FRMD4A: variants seen among roughly 807,000 people sequenced by gnomAD.
FRMD4A encodes the protein FERM domain containing 4A, also known as FERM domain-containing protein 4A.
In FRMD4A, 29 loss-of-function variants were observed where a neutral mutation model predicts 129.1. The observed-to-expected ratio is 0.22, with a 90% CI of 0.17 to 0.31. FRMD4A has a LOEUF of 0.31. Ranked by LOEUF, FRMD4A falls within the 10% of genes least tolerant of loss-of-function variation. The probability of loss-of-function intolerance (pLI) is 1.00; values close to 1 mark genes in which losing one functional copy is unlikely to be tolerated. For synonymous variants in FRMD4A, 634 were observed against 571.6 expected (o/e 1.11, Z -1.56); for missense variants, 1,272 against 1,375.8 (o/e 0.92, Z 1.19).
rs7904993 is a variant in FRMD4A, at chr10:13,821,721, T to C, written c.112-10813A>G. Reference sequence around the variant, plus strand: ...TCGCCAAATTCACACAGCGAATCAGTGGGAGAACTGAACCGCGGCACACAG... The same window carrying C: ...TCGCCAAATTCACACAGCGAATCAGCGGGAGAACTGAACCGCGGCACACAG... On this transcript the variant is annotated intron_variant, in intron 3 of 24. Transcript: ENST00000357447. The surrounding 1 kb of genome is among the most constrained non-coding windows in gnomAD (Gnocchi z 4.3). 0.14 allele frequency among the ~76,000 whole-genome samples: 20,642 copies of C among 151,966 alleles called. 1,694 individuals carry two copies. The highest frequency in any genetic ancestry group is 0.32 in the East Asian group (1,674 of 5,156).
At chr10:13,859,038 G>A (rs1015516385) in intron 2 of FRMD4A, 126 bp from the exon 3 acceptor site, 5 of 703,348 alleles carry the variant, frequency 7.1e-6, no homozygotes, top group South Asian at 4.6e-5. Flanking sequence ...AGTCGGCACT[G>A]TATAATGCCA....
chr10:13,982,412 G>A (rs1460928661), intron 2 of FRMD4A, among the ~76,000 whole-genome samples: 1 of 147,468 alleles, frequency 6.8e-6, no homozygotes. Flanking sequence ...GAGCCCAGGA[G>A]GTCAAGGCTA....
At chr10:14,184,797 AT>A (rs1842033330) in intron 2 of FRMD4A, among the ~76,000 whole-genome samples, 2 of 152,040 alleles carry the variant, frequency 1.3e-5, no homozygotes, top group African/African-American at 4.8e-5. Context: ...ATAAAGGCGC[AT>A]TTTCTTATTT....
chr10:13,819,001 G>T (rs1358634154), intron 3 of FRMD4A, among the ~76,000 whole-genome samples: 2 of 152,098 alleles, frequency 1.3e-5, no homozygotes, highest in Admixed American at 1.3e-4. Flanking sequence ...GGTGGCTCAT[G>T]CCTGTAATCC....
intron 8 of FRMD4A, among the ~76,000 whole-genome samples, chr10:13,753,998 GT>G (rs1295756182): frequency 2.6e-5 from 4 of 152,044 alleles, no homozygotes; most frequent in Non-Finnish European, 5.9e-5. Flanking sequence ...TTTAAAAATT[GT>G]TTCATAAGTC....
intron 2 of FRMD4A, among the ~76,000 whole-genome samples, chr10:13,946,823 G>C (rs749742026): frequency 6.6e-6 from 1 of 152,144 alleles, no homozygotes; most frequent in African/African-American, 2.4e-5. Flanking sequence ...TCTATCTCTC[G>C]ATGCCTGTCC....
intron 4 of FRMD4A, among the ~76,000 whole-genome samples, chr10:13,808,964 G>A (rs73579905): frequency 0.016 from 2,504 of 152,316 alleles, 57 homozygotes; most frequent in African/African-American, 0.054. Context: ...TATCCAGCCT[G>A]GCTTCTACGC....
At chr10:13,740,290 A>G (rs2090911868) in intron 10 of FRMD4A, 39 bp from the exon 11 acceptor site, 1 of 1,410,408 alleles carries the variant, frequency 7.1e-7, no homozygotes, top group Non-Finnish European at 1.0e-6. Flanking sequence ...CACACACACA[A>G]TGCGCAAAAG....
At chr10:14,015,500 C>T (rs1353301327) in intron 2 of FRMD4A, among the ~76,000 whole-genome samples, 1 of 151,750 alleles carries the variant, frequency 6.6e-6, no homozygotes, top group Non-Finnish European at 1.5e-5. Flanking sequence ...CATGAGCAGA[C>T]AGGCAAATGA....
chr10:13,980,768 G>T (rs921278420), intron 2 of FRMD4A, among the ~76,000 whole-genome samples: 5 of 152,094 alleles, frequency 3.3e-5, no homozygotes, highest in African/African-American at 9.7e-5. Context: ...TAAAAAAATT[G>T]TTCGTTATTT....
chr10:13,955,456 C>T (rs943599328), intron 2 of FRMD4A, among the ~76,000 whole-genome samples: 2 of 152,162 alleles, frequency 1.3e-5, no homozygotes, highest in South Asian at 2.1e-4. Flanking sequence ...CATCGTACTC[C>T]TAATCCAAGT....
intron 2 of FRMD4A, among the ~76,000 whole-genome samples, chr10:14,222,037 G>A (rs758535752): frequency 6.6e-5 from 10 of 152,042 alleles, no homozygotes; most frequent in Non-Finnish European, 1.2e-4. Context: ...GAAAATGATT[G>A]TTCATTTGCC....
intron 2 of FRMD4A, among the ~76,000 whole-genome samples, chr10:14,084,708 C>T (rs1836155684): frequency 6.6e-6 from 1 of 152,168 alleles, no homozygotes; most frequent in African/African-American, 2.4e-5. Context: ...CCTAAATCGC[C>T]CCAGGGCCAG....
chr10:13,788,325 C>T (rs977153271), intron 5 of FRMD4A, among the ~76,000 whole-genome samples: 3 of 152,160 alleles, frequency 2.0e-5, no homozygotes, highest in Non-Finnish European at 2.9e-5. Context: ...CTGCAGAGCC[C>T]GCTGAAATTA....
intron 2 of FRMD4A, among the ~76,000 whole-genome samples, chr10:14,100,560 G>A (rs1837248408): frequency 6.6e-6 from 1 of 152,114 alleles, no homozygotes; most frequent in East Asian, 1.9e-4. Context: ...TCCATATGCA[G>A]TTACAGTCTA....
At chr10:14,177,200 T>C (rs1037573088) in intron 2 of FRMD4A, among the ~76,000 whole-genome samples, 3 of 152,104 alleles carry the variant, frequency 2.0e-5, no homozygotes, top group Non-Finnish European at 2.9e-5. Context: ...TGTTTGTTTT[T>C]GTTTTTGTTT....
At chr10:14,080,786 A>C (rs1344253002) in intron 2 of FRMD4A, among the ~76,000 whole-genome samples, 1 of 151,942 alleles carries the variant, frequency 6.6e-6, no homozygotes, top group African/African-American at 2.4e-5. Context: ...TGGCATCTCT[A>C]TACCTCATGG....
chr10:14,057,686 T>G (rs992815552), intron 2 of FRMD4A, among the ~76,000 whole-genome samples: 1 of 152,106 alleles, frequency 6.6e-6, no homozygotes, highest in Non-Finnish European at 1.5e-5. Context: ...TTCTCCAGCC[T>G]CAGCCTCCCA....
intron 2 of FRMD4A, among the ~76,000 whole-genome samples, chr10:13,937,247 G>A (rs1333447454): frequency 2.6e-5 from 4 of 152,166 alleles, no homozygotes; most frequent in African/African-American, 9.7e-5. Context: ...CCCTCAGGTG[G>A]GTGGTGAAGG....
Sources: allele counts gnomAD v4.1 joint callset (sites outside exome capture counted in the v4.1 genomes callset), GRCh38; gene constraint gnomAD v4.1.1; non-coding constraint Gnocchi (gnomAD v3.1); transcripts MANE v1.5; gene names NCBI Gene and HGNC (gene_info 2026-07-23, HGNC 2026-07-21).